The following GFRA1 variants were observed in gnomAD, a reference collection of about 807,000 sequenced individuals.
The protein encoded by GFRA1 is GDNF family receptor alpha 1.
Under a neutral mutation model 51.6 loss-of-function variants are expected in GFRA1, and 16 were observed. The ratio of observed to expected loss-of-function variants is 0.31; its 90% CI spans 0.21 to 0.47. The LOEUF (loss-of-function observed/expected upper bound fraction) is 0.47, where lower values mean the gene tolerates loss of function less well. Ranked by LOEUF, GFRA1 falls within the 20% of genes least tolerant of loss-of-function variation. The pLI is 1.00. For synonymous variants in GFRA1, 270 were observed against 241.3 expected (o/e 1.12, Z -1.10); for missense variants, 530 against 594.3 (o/e 0.89, Z 1.13).
intron 9 of GFRA1, among the ~76,000 whole-genome samples, chr10:116,068,949 G>T (rs111927449): frequency 6.5e-4 from 99 of 152,332 alleles, no homozygotes; most frequent in Admixed American, 2.1e-3. Flanking sequence ...CTGAGACTTT[G>T]TAAGGTATAA....
intron 9 of GFRA1, among the ~76,000 whole-genome samples, chr10:116,085,961 C>T (rs1416083276): frequency 1.3e-5 from 2 of 152,204 alleles, no homozygotes; most frequent in Non-Finnish European, 2.9e-5. Context: ...TTCTTCCTCA[C>T]TGTCTATTCT....
rs913312609 is a variant in GFRA1, at chr10:116,235,348, G to C, written c.419-23703C>G. Among the ~76,000 whole-genome samples the C allele has an allele frequency of 1.2e-4, 19 of 152,170 alleles. 2 individuals are homozygous for C. The highest frequency in any genetic ancestry group is 1.2e-3 in the Admixed American group (19 of 15,274). On this transcript the variant is annotated intron_variant, in intron 4 of 10. Transcript: ENST00000355422. ...CTATGAGTTTCCTTTCACAGGAAACGAATCTTGAGGTGCCTATTCCCTCTT... is the reference window on the plus strand; with the variant it reads ...CTATGAGTTTCCTTTCACAGGAAACCAATCTTGAGGTGCCTATTCCCTCTT...
At position 116,269,585 on chromosome 10, in the gene GFRA1, T is replaced by C. The variant is rs1292165077; in HGVS notation, c.336A>G (p.Gly112=). 3.2e-6 allele frequency: 5 copies of C among 1,583,034 alleles called. No individual in the cohort carries two copies. The African/African-American group carries it at 6.7e-5, about 21-fold the overall frequency. The part of the protein sequence containing the change: ...IYWSMYQSLQ[G]NDLLEDSPYE... ...ATGGGGAATCCTCCAGCAGATCATTTCCTAAAAACAACAGAAAGATTGGGC... is the reference window on the plus strand; with the variant it reads ...ATGGGGAATCCTCCAGCAGATCATTCCCTAAAAACAACAGAAAGATTGGGC... Residue 112 remains glycine, a splice_region_variant and synonymous_variant, in exon 4 of 11, where the codon GGA becomes GGG. Coordinates refer to ENST00000355422, the MANE Select transcript of GFRA1 (RefSeq NM_005264.8).
chr10:116,078,409 A>G (rs571823366), intron 9 of GFRA1, among the ~76,000 whole-genome samples: 5 of 152,318 alleles, frequency 3.3e-5, no homozygotes, highest in African/African-American at 9.6e-5. Flanking sequence ...ATGAAGTCCA[A>G]GGAGGTCACT....
chr10:116,193,301 G>C (rs985972483), intron 5 of GFRA1, among the ~76,000 whole-genome samples: 1 of 152,224 alleles, frequency 6.6e-6, no homozygotes, highest in Middle Eastern at 3.4e-3. Flanking sequence ...GTTTGGGGAG[G>C]GAAAAGAAAC....
chr10:116,089,624 A>G (rs1956243245), intron 9 of GFRA1, 117 bp downstream of exon 9: 2 of 901,858 alleles, frequency 2.2e-6, no homozygotes, highest in Admixed American at 1.7e-5. Flanking sequence ...TTTGAGACTC[A>G]AACCCGAGCA....
chr10:116,120,941 G>C (rs536802432), intron 6 of GFRA1, among the ~76,000 whole-genome samples: 4 of 152,276 alleles, frequency 2.6e-5, no homozygotes, highest in African/African-American at 9.6e-5. Flanking sequence ...GGGCGGCTTC[G>C]CAGGCTTGGG....
At chr10:116,165,443 T>A (rs1461757258) in intron 5 of GFRA1, among the ~76,000 whole-genome samples, 3 of 152,178 alleles carry the variant, frequency 2.0e-5, no homozygotes, top group African/African-American at 7.2e-5. Flanking sequence ...TACTTCCTGC[T>A]CTCTCACATG....
intron 4 of GFRA1, among the ~76,000 whole-genome samples, chr10:116,216,672 A>G (rs1965585232): frequency 6.6e-6 from 1 of 152,154 alleles, no homozygotes; most frequent in Admixed American, 6.5e-5. Flanking sequence ...AGTTTCTTGA[A>G]ATGCATGCAC....
chr10:116,190,470 G>A (rs7080609), intron 5 of GFRA1, among the ~76,000 whole-genome samples: 67 of 152,256 alleles, frequency 4.4e-4, no homozygotes, highest in African/African-American at 1.5e-3. Context: ...CTGGGTACAT[G>A]GCCTTCCCCA....
intron 5 of GFRA1, among the ~76,000 whole-genome samples, chr10:116,126,833 A>G (rs559049543): frequency 2.6e-4 from 39 of 152,368 alleles, no homozygotes; most frequent in African/African-American, 8.4e-4. Flanking sequence ...GAGAAGGCAC[A>G]GTTCGGTTAG....
At chr10:116,236,933 G>C (rs1378760584) in intron 4 of GFRA1, among the ~76,000 whole-genome samples, 1 of 152,192 alleles carries the variant, frequency 6.6e-6, no homozygotes, top group Non-Finnish European at 1.5e-5. Flanking sequence ...GCTTATTTTT[G>C]AGCCAGGCCT....
intron 5 of GFRA1, among the ~76,000 whole-genome samples, chr10:116,195,300 T>C (rs1232491141): frequency 6.6e-6 from 1 of 152,212 alleles, no homozygotes; most frequent in Non-Finnish European, 1.5e-5. Context: ...CATGCCAGAC[T>C]GCTAATTCTG....
intron 9 of GFRA1, among the ~76,000 whole-genome samples, chr10:116,084,059 C>T (rs920434596): frequency 1.3e-5 from 2 of 152,116 alleles, no homozygotes; most frequent in African/African-American, 4.8e-5. Flanking sequence ...GTTCTCTGCT[C>T]CAGGCAGATG....
chr10:116,172,637 G>A (rs565187882), intron 5 of GFRA1, among the ~76,000 whole-genome samples: 1 of 152,266 alleles, frequency 6.6e-6, no homozygotes, highest in East Asian at 1.9e-4. Flanking sequence ...CGGCCAGGCA[G>A]GGCACATCTG....
chr10:116,132,500 T>C (rs1398492776), intron 5 of GFRA1, among the ~76,000 whole-genome samples: 2 of 152,102 alleles, frequency 1.3e-5, no homozygotes, highest in African/African-American at 2.4e-5. Flanking sequence ...CCTACCTTAT[T>C]ATTACTCTTT....
rs1954656104 is a variant in GFRA1, at chr10:116,058,470, C to G, written c.*5928G>C. ...CCAGAGGAGTGGCTGCCCAAGTGCT[C>G]AGAGGTGGCCTTTTAGGCTCAGGAT... On this transcript the variant is annotated 3_prime_UTR_variant, in exon 11 of 11. Coordinates refer to ENST00000355422, the MANE Select transcript of GFRA1 (RefSeq NM_005264.8). 1.3e-5 allele frequency: 2 copies of G among 152,192 alleles called. No homozygotes were observed. Among genetic ancestry groups the G allele is most frequent in the African/African-American group, 4.8e-5 (2 of 41,434 alleles). 9.4% of individuals were successfully genotyped at this position (152,192 alleles called of 1,614,324 possible).
At chr10:116,266,365 C>T (rs190618295) in intron 4 of GFRA1, among the ~76,000 whole-genome samples, 22 of 152,308 alleles carry the variant, frequency 1.4e-4, no homozygotes, top group African/African-American at 5.3e-4. Context: ...TTCTAGAAAG[C>T]TCAGATTCAA....
At chr10:116,107,583 A>G (rs974643834) in intron 6 of GFRA1, among the ~76,000 whole-genome samples, 8 of 152,060 alleles carry the variant, frequency 5.3e-5, no homozygotes, top group African/African-American at 1.2e-4. Flanking sequence ...TTATAGACCA[A>G]TGAAATCATA....
Sources: gnomAD v4.1 joint callset for allele counts (sites outside exome capture counted in the v4.1 genomes callset) on GRCh38, gnomAD v4.1.1 for gene constraint, MANE v1.5 for transcripts, NCBI Gene and HGNC (gene_info 2026-07-23, HGNC 2026-07-21) for gene names.